The following TSHR variants were observed in gnomAD, a reference collection of about 807,000 sequenced individuals.
TSHR encodes thyroid stimulating hormone receptor.
Under a neutral mutation model 64.1 loss-of-function variants are expected in TSHR, and 51 were observed. The observed-to-expected ratio is 0.80, with a 90% confidence interval of 0.64 to 1.01. TSHR has a LOEUF of 1.01. TSHR is among the 50% of genes least tolerant of loss of function. TSHR has a pLI of 0.00. For synonymous variants in TSHR, 361 were observed against 361.9 expected, an observed-to-expected ratio of 1.00 and a Z score of 0.03; for missense variants, 877 against 942.8, an observed-to-expected ratio of 0.93 and a Z score of 0.91.
At chr14:81,061,479 T>G (rs559256795) in intron 1 of TSHR, among the ~76,000 whole-genome samples, 1 of 152,104 alleles carries the variant, frequency 6.6e-6, no homozygotes, top group Non-Finnish European at 1.5e-5. Flanking sequence ...AAGAACAAGA[T>G]TATGTCCTTT....
intron 1 of TSHR, among the ~76,000 whole-genome samples, chr14:80,991,065 G>T (rs112681723): frequency 4.6e-5 from 7 of 152,180 alleles, no homozygotes; most frequent in Non-Finnish European, 1.0e-4. Flanking sequence ...AGAATTATGT[G>T]CAAATCCATA....
intron 8 of TSHR, among the ~76,000 whole-genome samples, chr14:81,120,341 A>G (rs1032380261): frequency 2.0e-5 from 3 of 152,182 alleles, no homozygotes; most frequent in Non-Finnish European, 2.9e-5. Context: ...GAGGAAATCC[A>G]TTGACATGAA....
chr14:81,142,526 A>T (rs1232218923), intron 9 of TSHR, among the ~76,000 whole-genome samples: 1 of 151,932 alleles, frequency 6.6e-6, no homozygotes, highest in East Asian at 1.9e-4. Flanking sequence ...GTAGAACCTT[A>T]TAGAATTATG....
intron 1 of TSHR, among the ~76,000 whole-genome samples, chr14:80,956,706 G>T (rs1886713544): frequency 6.6e-6 from 1 of 152,154 alleles, no homozygotes; most frequent in Admixed American, 6.5e-5. Flanking sequence ...GGTTATTAAA[G>T]AAAATGTTGA....
intron 8 of TSHR, among the ~76,000 whole-genome samples, chr14:81,114,471 C>T (rs761822226): frequency 3.3e-5 from 5 of 152,138 alleles, no homozygotes; most frequent in South Asian, 2.1e-4. Context: ...GCTTTTCCGA[C>T]GGGCTTAAAA....
intron 3 of TSHR, among the ~76,000 whole-genome samples, chr14:81,076,514 C>A (rs78166675): frequency 0.073 from 11,183 of 152,172 alleles, 1,380 homozygotes; most frequent in African/African-American, 0.25. Context: ...CCAAAACTGA[C>A]ATCTTGATTG....
chr14:81,102,083 A>T (rs1041112890), intron 7 of TSHR, among the ~76,000 whole-genome samples: 3 of 151,778 alleles, frequency 2.0e-5, no homozygotes, highest in African/African-American at 7.3e-5. Flanking sequence ...GAGGCAGGAG[A>T]ATGGTGTGAA....
intron 7 of TSHR, among the ~76,000 whole-genome samples, chr14:81,108,081 A>G (rs985024988): frequency 6.6e-6 from 1 of 152,168 alleles, no homozygotes; most frequent in Non-Finnish European, 1.5e-5. Flanking sequence ...TACAGTTGCC[A>G]CTGGCCTGAA....
At chr14:81,017,437 A>C (rs1488571861) in intron 1 of TSHR, among the ~76,000 whole-genome samples, 4 of 152,158 alleles carry the variant, frequency 2.6e-5, no homozygotes, top group African/African-American at 9.7e-5. Flanking sequence ...GAGAGAGTGC[A>C]CAAAGAAAAA....
At chr14:81,080,563 C>T (rs898262381) in intron 3 of TSHR, among the ~76,000 whole-genome samples, 2 of 151,372 alleles carry the variant, frequency 1.3e-5, no homozygotes, top group African/African-American at 4.9e-5. Flanking sequence ...TATAAACTCT[C>T]CTCAATATCT....
chr14:81,045,190 T>C (rs897089783), intron 1 of TSHR, among the ~76,000 whole-genome samples: 6 of 152,168 alleles, frequency 3.9e-5, no homozygotes, highest in Non-Finnish European at 8.8e-5. Context: ...AAGTAGGAGC[T>C]GAAAGATGAA....
intron 1 of TSHR, among the ~76,000 whole-genome samples, chr14:81,021,395 T>A (rs2139800632): frequency 2.0e-5 from 3 of 152,292 alleles, no homozygotes; most frequent in Middle Eastern, 6.8e-3. Context: ...TACCTGCTTG[T>A]CTTCATTACT....
rs766950306 is a variant in TSHR, at chr14:81,144,129, A to C, written c.2071A>C (p.Ile691Leu). The change falls in exon 10 of 10, where the codon ATC (isoleucine) becomes CTC (leucine). Residue 691 changes from isoleucine (I) to leucine (L), a missense_variant. Physicochemically the swap from Ile to Leu is conservative, Grantham distance 5 (BLOSUM62 2). Transcript: ENST00000298171. ...FTKAFQRDVF[I>L]LLSKFGICKR... The stretch of plus-strand genomic sequence containing the variant: ...CAAGGCCTTCCAGAGGGATGTGTTC[A>C]TCCTACTCAGCAAGTTTGGCATCTG... 2 of 1,614,146 alleles carry C rather than the reference A, an allele frequency of 1.2e-6. No individual in the cohort carries two copies. Among genetic ancestry groups the C allele is most frequent in the East Asian group, 4.5e-5 (2 of 44,862 alleles).
chr14:81,139,575 A>C, intron 8 of TSHR, 104 bp from the exon 9 acceptor site: 1 of 1,165,154 alleles, frequency 8.6e-7, no homozygotes, highest in Non-Finnish European at 1.3e-6. Context: ...AAAGGAGCAT[A>C]TCATCTCCCA....
chr14:81,061,629 G>A (rs1378426586), intron 1 of TSHR, among the ~76,000 whole-genome samples: 2 of 151,962 alleles, frequency 1.3e-5, no homozygotes, highest in East Asian at 1.9e-4. Context: ...AGACACTGGG[G>A]CCTGCTTGAA....
chr14:81,143,101 A>G lies in TSHR; in HGVS notation c.1043A>G (p.Asn348Ser), dbSNP rs2140109271. 1 of 1,614,200 alleles carries G rather than the reference A, an allele frequency of 6.2e-7. No individual in the cohort carries two copies. The highest frequency in any genetic ancestry group is 8.5e-7 in the Non-Finnish European group (1 of 1,180,034). ...AAGTCCAAGTTCCAGGATACTCATA[A>G]CAACGCTCATTATTACGTCTTCTTT... The part of the protein sequence containing the change: ...KEKSKFQDTH[N>S]NAHYYVFFEE... Residue 348 changes from asparagine (N) to serine (S), a missense_variant, in exon 10 of 10, where the codon AAC becomes AGC. Physicochemically the swap from Asn to Ser is conservative, Grantham distance 46 (BLOSUM62 1). Coordinates refer to ENST00000298171, the MANE Select transcript of TSHR (RefSeq NM_000369.5).
chr14:81,087,850 A>C lies in TSHR; in HGVS notation c.318-104A>C, dbSNP rs893858982. On this transcript the variant is annotated intron_variant, in intron 3 of 9. Coordinates refer to ENST00000298171, the MANE Select transcript of TSHR (RefSeq NM_000369.5). ...GGGGTACCCTGTGGCGTAAATGCAT[A>C]TTTTTCTCATGAACGTTTGTTAAAA... 7 of 976,234 alleles carry C rather than the reference A, an allele frequency of 7.2e-6. No homozygotes were observed. In the African/African-American group the frequency reaches 1.1e-4, roughly 16 times the overall value. The allele number at this position is 976,234 out of a possible 1,614,324, so 60.5% of individuals were successfully genotyped here.
rs1346368427 is a variant in TSHR at position 81,094,715 on chromosome 14, T to C, written c.546-1924T>C. On this transcript the variant is annotated intron_variant, in intron 6 of 9. Transcript: ENST00000298171. ...TTTTTTTTTTTTTTGAGACAGAGTC[T>C]CACTCTGTCACCCAGAGCTGGAGTG... is the stretch of plus-strand genomic sequence containing the variant. Among the ~76,000 whole-genome samples, 3 of 124,066 alleles carry C rather than the reference T, an allele frequency of 2.4e-5. No individual in the cohort carries two copies. The East Asian group carries it at 7.0e-4, about 29-fold the overall frequency. 81.4% of individuals were successfully genotyped at this position (124,066 alleles called of 152,430 possible).
chr14:81,055,693 C>T (rs1005096710), intron 1 of TSHR, among the ~76,000 whole-genome samples: 10 of 152,166 alleles, frequency 6.6e-5, no homozygotes, highest in Admixed American at 6.5e-4. Context: ...TTCAGACTTG[C>T]TGACTTTTTG....
Sources: allele counts gnomAD v4.1 joint callset (sites outside exome capture counted in the v4.1 genomes callset), GRCh38; gene constraint gnomAD v4.1.1; transcripts MANE v1.5; gene names NCBI Gene and HGNC (gene_info 2026-07-23, HGNC 2026-07-21).